PSMC3: variants seen among roughly 807,000 people sequenced by gnomAD.
PSMC3 encodes proteasome 26S subunit, ATPase 3, also known as 26S proteasome regulatory subunit 6A.
A neutral mutation model predicts 52.0 loss-of-function variants in PSMC3; 11 were observed. The ratio of observed to expected loss-of-function variants is 0.21; its 90% confidence interval spans 0.13 to 0.35. PSMC3 has a LOEUF of 0.35. Ranked by LOEUF, PSMC3 falls within the 10% of genes least tolerant of loss-of-function variation. The pLI is 1.00. For missense variants in PSMC3, 238 were observed against 567.1 expected (o/e 0.42, Z 5.89); for synonymous variants, 201 against 218.8 (o/e 0.92, Z 0.72).
At chr11:47,421,223 C>T (rs2096040019) in intron 8 of PSMC3, among the ~76,000 whole-genome samples, 1 of 121,676 alleles carries the variant, frequency 8.2e-6, no homozygotes, top group Middle Eastern at 5.5e-3. Context: ...GCACTCCAGC[C>T]TGGACGACAG....
chr11:47,419,924 A>T (rs945526401), intron 10 of PSMC3, among the ~76,000 whole-genome samples: 1 of 151,696 alleles, frequency 6.6e-6, no homozygotes, highest in Admixed American at 6.6e-5. Flanking sequence ...AGAGTCATAC[A>T]TATCTGAACT....
Position 47,426,168 on chromosome 11 carries a change from C to A in PSMC3, c.75+37G>T, listed in dbSNP as rs768062725. The stretch of plus-strand genomic sequence containing the variant: ...CTTGTCAATGGCGTCTCCCTGCGGG[C>A]CCCGGTTCCCGGACCGCCAGCTCGC... On this transcript the variant is annotated intron_variant, in intron 1 of 11. Coordinates refer to ENST00000298852, the MANE Select transcript of PSMC3 (RefSeq NM_002804.5). 21 of 1,543,840 alleles carry A rather than the reference C, an allele frequency of 1.4e-5. No homozygotes were observed. The Admixed American group carries it at 3.3e-4, about 24-fold the overall frequency.
At chr11:47,418,969 T>C (rs1595890847) in intron 11 of PSMC3, 24 bp from the exon 12 acceptor site, 1 of 1,613,126 alleles carries the variant, frequency 6.2e-7, no homozygotes, top group East Asian at 2.2e-5. Context: ...AAACAGAGTC[T>C]AGGTCTGAAC....
intron 9 of PSMC3, 102 bp from the exon 10 acceptor site, chr11:47,420,511 A>T: frequency 2.6e-6 from 4 of 1,526,400 alleles, no homozygotes; most frequent in Non-Finnish European, 3.6e-6. Context: ...CAGGTGAGAC[A>T]CATGGGATGT....
chr11:47,424,244 G>C lies in PSMC3; in HGVS notation c.454-61C>G. ...AGCTCAAGGGCTACCCAACTGACTGGGTGACAGGTGTCTGCAGAGGGAAAG... is the reference window on the plus strand; with the variant it reads ...AGCTCAAGGGCTACCCAACTGACTGCGTGACAGGTGTCTGCAGAGGGAAAG... On this transcript the variant is annotated intron_variant, in intron 5 of 11. Transcript: ENST00000298852. The surrounding 1 kb of genome is among the most constrained non-coding windows in gnomAD (Gnocchi z 4.8). 1 of 1,610,200 alleles carries C rather than the reference G, an allele frequency of 6.2e-7. No homozygotes were observed.
intron 10 of PSMC3, 56 bp from the exon 11 acceptor site, chr11:47,419,253 G>A (rs1418808037): frequency 5.1e-6 from 8 of 1,577,370 alleles, no homozygotes; most frequent in Non-Finnish European, 4.4e-6. Flanking sequence ...GGGCAGAGGG[G>A]CCAAATATCC....
rs532517087 is a variant in PSMC3, at chr11:47,418,797, C to T, written c.*38G>A. On this transcript the variant is annotated 3_prime_UTR_variant, in exon 12 of 12. Coordinates refer to ENST00000298852, the MANE Select transcript of PSMC3 (RefSeq NM_002804.5). Reference sequence around the variant, plus strand: ...AGGGACCCTAAACCATCTTTTATTGCGCACTTCAGCCGTGAGACTGGGGCT... The same window carrying T: ...AGGGACCCTAAACCATCTTTTATTGTGCACTTCAGCCGTGAGACTGGGGCT... The T allele has an allele frequency of 1.9e-5, 29 of 1,563,014 alleles. No homozygotes were observed. In the Admixed American group the frequency reaches 2.9e-4, roughly 15 times the overall value.
chr11:47,423,952 G>A, intron 6 of PSMC3, 94 bp downstream of exon 6: 1 of 1,556,170 alleles, frequency 6.4e-7, no homozygotes, highest in Non-Finnish European at 8.8e-7. Context: ...GTTGCTATGA[G>A]GATGAAAGAC....
chr11:47,420,149 G>A (rs1053137439), intron 10 of PSMC3, 115 bp downstream of exon 10: 188 of 1,261,616 alleles, frequency 1.5e-4, no homozygotes, highest in Non-Finnish European at 2.1e-4. Context: ...GTGTGTGCCT[G>A]GGGCCTGGGA....
intron 6 of PSMC3, among the ~76,000 whole-genome samples, chr11:47,423,326 G>A (rs937072579): frequency 3.9e-5 from 6 of 151,954 alleles, no homozygotes; most frequent in African/African-American, 9.7e-5. Context: ...GCATGAACCC[G>A]GGACGCGGAG....
At position 47,418,874 on chromosome 11, in the gene PSMC3, C is replaced by T. The variant is rs968692753; in HGVS notation, c.1281G>A (p.Val427=). 1.9e-6 allele frequency: 3 copies of T among 1,614,230 alleles called. No homozygotes were observed. The highest frequency in any genetic ancestry group is 1.7e-5 in the Admixed American group (1 of 60,030). ...HEDYMEGILE[V]QAKKKANLQY... ...GTAGGTTGGCTTTCTTCTTGGCCTG[C>T]ACCTCCAGGATGCCTTCCATGTAGT... Residue 427 remains valine (V), a synonymous_variant, in exon 12 of 12, where the codon GTG becomes GTA. Transcript: ENST00000298852.
chr11:47,419,285 CAA>C, intron 10 of PSMC3, 88 bp from the exon 11 acceptor site: 1 of 1,421,808 alleles, frequency 7.0e-7, no homozygotes, highest in Non-Finnish European at 9.9e-7. Flanking sequence ...CGTCAAGCAA[CAA>C]AGTCAAGTTG....
chr11:47,423,612 C>A (rs991640251), intron 6 of PSMC3, among the ~76,000 whole-genome samples: 7 of 152,080 alleles, frequency 4.6e-5, no homozygotes, highest in East Asian at 1.9e-4. Context: ...CATGGAGAAA[C>A]CCCGTCTCTA....
chr11:47,425,655 T>C (rs1027310857), intron 2 of PSMC3: 3 of 564,762 alleles, frequency 5.3e-6, no homozygotes, highest in Non-Finnish European at 9.4e-6. Flanking sequence ...ATCTGATAAC[T>C]TCTCATCTCA....
rs749173140 is a variant in PSMC3 at position 47,420,249 on chromosome 11, C to T, written c.1127+15G>A. 25 of 1,613,658 alleles carry T rather than the reference C, an allele frequency of 1.5e-5. No individual in the cohort carries two copies. The highest frequency in any genetic ancestry group is 3.3e-4 in the Middle Eastern group (2 of 6,006). ...CCTGTTCAGGTCTCTGTGCCCTGCC[C>T]GTGCTCCTGCTCACCTGACATTCAT... On this transcript the variant is annotated intron_variant, in intron 10 of 11. Coordinates refer to ENST00000298852, the MANE Select transcript of PSMC3 (RefSeq NM_002804.5).
At position 47,424,485 on chromosome 11, in the gene PSMC3, A is replaced by G; in HGVS notation, c.397T>C (p.Phe133Leu). ...VIKTSTRQTYFLPVIGLVDAE... is the reference protein window; with the variant it reads ...VIKTSTRQTYLLPVIGLVDAE... ...TCCACCAACCCAATCACAGGAAGGAAGTACGTCTGTGGACAAGTTACAGGG... is the reference window on the plus strand; with the variant it reads ...TCCACCAACCCAATCACAGGAAGGAGGTACGTCTGTGGACAAGTTACAGGG... The change falls in exon 5 of 12, where the codon TTC (phenylalanine) becomes CTC (leucine). Residue 133 changes from phenylalanine to leucine, a missense_variant. By Grantham distance (22) the Phe-to-Leu change is conservative. Coordinates refer to ENST00000298852, the MANE Select transcript of PSMC3 (RefSeq NM_002804.5). This position sits in a 1 kb window ranked among gnomAD's most constrained non-coding sequence, Gnocchi z 4.8. 1 of 1,614,146 alleles carries G rather than the reference A, an allele frequency of 6.2e-7. No homozygotes were observed. The highest frequency in any genetic ancestry group is 8.5e-7 in the Non-Finnish European group (1 of 1,179,986).
At position 47,426,155 on chromosome 11, in the gene PSMC3, G is replaced by A. The variant is rs374084363; in HGVS notation, c.75+50C>T. 55 of 1,524,704 alleles carry A rather than the reference G, an allele frequency of 3.6e-5. No individual in the cohort carries two copies. In the African/African-American group the frequency reaches 6.9e-4, roughly 19 times the overall value. The allele number at this position is 1,524,704 out of a possible 1,614,324, so 94.4% of individuals were successfully genotyped here. On this transcript the variant is annotated intron_variant, in intron 1 of 11. Transcript: ENST00000298852. ...CACCTCCTTCCCTCTTGTCAATGGC[G>A]TCTCCCTGCGGGCCCCGGTTCCCGG... is the stretch of plus-strand genomic sequence containing the variant.
chr11:47,420,225 C>G (rs751257631), intron 10 of PSMC3, 39 bp downstream of exon 10: 1 of 1,607,558 alleles, frequency 6.2e-7, no homozygotes, highest in Non-Finnish European at 8.5e-7. Flanking sequence ...CCTCCTGCGC[C>G]TGTTCAGGTC....
At position 47,419,025 on chromosome 11, in the gene PSMC3, C is replaced by T. The variant is rs2096036671; in HGVS notation, c.1210-80G>A. The stretch of plus-strand genomic sequence containing the variant: ...TCCCTGAGGCTCAGGCCTCTTCCCT[C>T]AGCCGTCTCCACCAGCCAAATGCCC... On this transcript the variant is annotated intron_variant, in intron 11 of 11. Transcript: ENST00000298852. 14 of 1,604,700 alleles carry T rather than the reference C, an allele frequency of 8.7e-6. No individual in the cohort carries two copies. In the Admixed American group the frequency reaches 2.2e-4, roughly 25 times the overall value.
Sources: allele counts gnomAD v4.1 joint callset (sites outside exome capture counted in the v4.1 genomes callset), GRCh38; gene constraint gnomAD v4.1.1; non-coding constraint Gnocchi (gnomAD v3.1); transcripts MANE v1.5; gene names NCBI Gene and HGNC (gene_info 2026-07-23, HGNC 2026-07-21).